Variants in CHODL observed in about 807,000 individuals in gnomAD.
The protein encoded by CHODL is chondrolectin.
Under a neutral mutation model 34.5 loss-of-function variants are expected in CHODL, and 29 were observed. That is an observed-to-expected ratio of 0.84 (90% CI 0.63 to 1.15). CHODL has a LOEUF of 1.15. Among genes scored for constraint, CHODL ranks in the 50% most tolerant of loss-of-function variants. The pLI is 0.00. For synonymous variants in CHODL, 125 were observed against 116.1 expected, an observed-to-expected ratio of 1.08 and a Z score of -0.49; for missense variants, 332 against 332.5, an observed-to-expected ratio of 1.00 and a Z score of 0.01.
At position 18,000,430 on chromosome 21, in the gene CHODL, C is replaced by G. The variant is rs373955916; in HGVS notation, c.-144-27442C>G. ...AAGATATTTTGGAGTTGGGAGTGCT[C>G]TTCTGCCCATCTTCCTAGTTTCCTG... On this transcript the variant is annotated intron_variant, in intron 1 of 6. Transcript: ENST00000400127. 3.9e-5 allele frequency among the ~76,000 whole-genome samples: 6 copies of G among 152,274 alleles called. 1 individual carries two copies. The highest frequency in any genetic ancestry group is 1.3e-4 in the Admixed American group (2 of 15,290).
chr21:18,204,634 T>C (rs1196872236), intron 2 of CHODL, among the ~76,000 whole-genome samples: 1 of 152,166 alleles, frequency 6.6e-6, no homozygotes, highest in Non-Finnish European at 1.5e-5. Flanking sequence ...CATTCTATGA[T>C]ACTTGGCATA....
At chr21:18,002,273 A>G (rs927317598) in intron 1 of CHODL, among the ~76,000 whole-genome samples, 1 of 152,206 alleles carries the variant, frequency 6.6e-6, no homozygotes, top group Non-Finnish European at 1.5e-5. Context: ...ATTCTTCTTT[A>G]AAAATTATAT....
At chr21:18,052,871 A>C (rs1004807934) in intron 2 of CHODL, among the ~76,000 whole-genome samples, 2 of 144,004 alleles carry the variant, frequency 1.4e-5, no homozygotes, top group African/African-American at 5.9e-5. Context: ...TCTGGCTGAC[A>C]TGTTTAAGCG....
chr21:18,210,362 G>C (rs972862101), intron 2 of CHODL, among the ~76,000 whole-genome samples: 3 of 152,180 alleles, frequency 2.0e-5, no homozygotes, highest in African/African-American at 7.2e-5. Context: ...CACTGCCTGG[G>C]GGATGGGATG....
chr21:17,924,800 TG>T (rs777193003), intron 1 of CHODL, among the ~76,000 whole-genome samples: 14 of 152,294 alleles, frequency 9.2e-5, no homozygotes, highest in East Asian at 7.7e-4. Context: ...TTTTGTACAT[TG>T]TCATCATATC....
chr21:18,264,307 G>C (rs1023124591), intron 5 of CHODL, among the ~76,000 whole-genome samples: 1 of 152,026 alleles, frequency 6.6e-6, no homozygotes, highest in South Asian at 2.1e-4. Context: ...CCAGGCAGGA[G>C]ATTATCTTGA....
At chr21:18,227,246 A>G (rs1445256208) in intron 2 of CHODL, among the ~76,000 whole-genome samples, 1 of 152,168 alleles carries the variant, frequency 6.6e-6, no homozygotes, top group East Asian at 1.9e-4. Context: ...GGATTTCAAC[A>G]TATGAATTTT....
intron 1 of CHODL, among the ~76,000 whole-genome samples, chr21:18,254,366 T>A (rs2074291582): frequency 6.6e-6 from 1 of 151,816 alleles, no homozygotes; most frequent in Non-Finnish European, 1.5e-5. Flanking sequence ...ATTGACAGTC[T>A]ATTTTCCAGG....
chr21:18,157,612 A>G (rs2073049290), intron 2 of CHODL, among the ~76,000 whole-genome samples: 1 of 152,220 alleles, frequency 6.6e-6, no homozygotes, highest in Admixed American at 6.5e-5. Flanking sequence ...TTGGGTCATA[A>G]CATGTGAGCA....
intron 1 of CHODL, among the ~76,000 whole-genome samples, chr21:17,929,493 A>T (rs943413130): frequency 6.6e-6 from 1 of 152,234 alleles, no homozygotes; most frequent in Non-Finnish European, 1.5e-5. Flanking sequence ...AGCACAACGG[A>T]ATTCATCAGA....
chr21:18,250,689 C>T (rs1022076875), intron 1 of CHODL, among the ~76,000 whole-genome samples: 13 of 151,844 alleles, frequency 8.6e-5, no homozygotes, highest in African/African-American at 2.9e-4. Flanking sequence ...TATCACAGTC[C>T]TTGCTGCACT....
chr21:18,070,031 C>CTTCCCTCCCA (rs1600963604), intron 2 of CHODL, among the ~76,000 whole-genome samples: 2 of 58,272 alleles, frequency 3.4e-5, no homozygotes, highest in African/African-American at 5.3e-5. Flanking sequence ...TCCCTCCCCC[C>CTTCCCTCCCA]CCCCACCCAT....
At chr21:17,922,686 G>A (rs1051692906) in intron 1 of CHODL, among the ~76,000 whole-genome samples, 3 of 152,168 alleles carry the variant, frequency 2.0e-5, no homozygotes, top group Non-Finnish European at 2.9e-5. Flanking sequence ...GGAATGTGGG[G>A]TGACATTCCT....
chr21:18,259,295 T>C (rs1225635909), intron 3 of CHODL, among the ~76,000 whole-genome samples: 2 of 152,070 alleles, frequency 1.3e-5, no homozygotes, highest in African/African-American at 4.8e-5. Flanking sequence ...ATTTAACAAA[T>C]AGTTCCTTAA....
chr21:17,941,028 A>G (rs144639149), intron 1 of CHODL, among the ~76,000 whole-genome samples: 5 of 152,342 alleles, frequency 3.3e-5, no homozygotes, highest in East Asian at 3.8e-4. Context: ...GAGTGAGACT[A>G]TGCCTCAGTA....
chr21:17,982,298 TCTTTGACTAAGTTTTA>T (rs2063720007), intron 1 of CHODL, among the ~76,000 whole-genome samples: 2 of 152,224 alleles, frequency 1.3e-5, no homozygotes, highest in African/African-American at 4.8e-5. Flanking sequence ...GACCAGCAGA[TCTTTGACTAAGTTTTA>T]CTTGGGTCCT....
chr21:17,963,081 ATAAT>A (rs2063545260), intron 1 of CHODL, among the ~76,000 whole-genome samples: 3 of 149,378 alleles, frequency 2.0e-5, no homozygotes, highest in African/African-American at 7.5e-5. Context: ...AAAAATAATA[ATAAT>A]AATAATAATA....
intron 2 of CHODL, among the ~76,000 whole-genome samples, chr21:18,100,293 G>C (rs2065197462): frequency 6.6e-6 from 1 of 150,518 alleles, no homozygotes; most frequent in Non-Finnish European, 1.5e-5. Flanking sequence ...AGATGTTGAA[G>C]GTGGAAGGCA....
At chr21:18,234,382 C>A (rs1159243142) in intron 2 of CHODL, among the ~76,000 whole-genome samples, 1 of 151,982 alleles carries the variant, frequency 6.6e-6, no homozygotes, top group African/African-American at 2.4e-5. Context: ...CGTGAAGCCT[C>A]AAAATGGCAC....
Sources: gnomAD v4.1 joint callset for allele counts (sites outside exome capture counted in the v4.1 genomes callset) on GRCh38, gnomAD v4.1.1 for gene constraint, MANE v1.5 for transcripts, NCBI Gene and HGNC (gene_info 2026-07-23, HGNC 2026-07-21) for gene names.